CCL22: variants seen among roughly 807,000 people sequenced by gnomAD.
The protein encoded by CCL22 is C-C motif chemokine ligand 22, also known as C-C motif chemokine 22.
A neutral mutation model predicts 7.6 loss-of-function variants in CCL22; 7 were observed. The observed-to-expected ratio is 0.92, with a 90% CI of 0.52 to 1.72. CCL22 has a LOEUF of 1.72. CCL22 is among the 40% of genes most tolerant of loss of function. The probability of loss-of-function intolerance (pLI) is 0.00; values close to 1 mark genes in which losing one functional copy is unlikely to be tolerated. For synonymous variants in CCL22, 55 were observed against 47.2 expected, an observed-to-expected ratio of 1.17 and a Z score of -0.68; for missense variants, 115 against 124.7, an observed-to-expected ratio of 0.92 and a Z score of 0.37.
In CCL22 at chr16:57,362,911, G is replaced by A. The variant is rs115173511; in HGVS notation, c.198-593G>A. 7.5e-3 allele frequency among the ~76,000 whole-genome samples: 1,134 copies of A among 151,692 alleles called. 22 individuals are homozygous for A. Among genetic ancestry groups the A allele is most frequent in the African/African-American group, 0.026 (1,065 of 41,424 alleles). The stretch of plus-strand genomic sequence containing the variant: ...AAAACAAAAACAAAACCCAACTCTT[G>A]GGGATTCTATTTCATGGCCTGATCT... On this transcript the variant is annotated intron_variant, in intron 2 of 2. Coordinates refer to ENST00000219235, the MANE Select transcript of CCL22 (RefSeq NM_002990.5).
chr16:57,362,418 C>G lies in CCL22; in HGVS notation c.198-1086C>G, dbSNP rs528615751. On this transcript the variant is annotated intron_variant, in intron 2 of 2. Coordinates refer to ENST00000219235, the MANE Select transcript of CCL22 (RefSeq NM_002990.5). ...GGAGGATCACTTGAGGCCAGGAGTT[C>G]AAGACAAGCCTCAATAGAGTGAGAC... 1.1e-4 allele frequency among the ~76,000 whole-genome samples: 17 copies of G among 152,130 alleles called. No homozygotes were observed. The South Asian group carries it at 3.3e-3, about 30-fold the overall frequency.
chr16:57,363,748 T>A lies in CCL22; in HGVS notation c.*160T>A, dbSNP rs1197526611. On this transcript the variant is annotated 3_prime_UTR_variant, in exon 3 of 3. Transcript: ENST00000219235. The stretch of plus-strand genomic sequence containing the variant: ...GTCACCCTTGGTCACCTCCGTGCTG[T>A]CACTGCCATCTCCCCCCTGACCCCT... 1.6e-6 allele frequency: 1 copy of A among 613,474 alleles called. No individual in the cohort carries two copies. The highest frequency in any genetic ancestry group is 1.8e-5 in the African/African-American group (1 of 54,414). 38.0% of individuals were successfully genotyped at this position (613,474 alleles called of 1,614,324 possible).
intron 2 of CCL22, among the ~76,000 whole-genome samples, chr16:57,361,901 CTT>C (rs1488976468): frequency 6.6e-6 from 1 of 152,310 alleles, no homozygotes; most frequent in East Asian, 1.9e-4. Context: ...GTTCTTGTCT[CTT>C]TAACTCTGAG....
chr16:57,359,640 A>G (rs1902026753), intron 1 of CCL22, among the ~76,000 whole-genome samples: 1 of 146,680 alleles, frequency 6.8e-6, no homozygotes, highest in African/African-American at 2.5e-5. Context: ...ATTTCATTTT[A>G]TTTATTTATT....
In CCL22 at chr16:57,358,895, G is replaced by A. The variant is rs752248057; in HGVS notation, c.73+6G>A. The A allele has an allele frequency of 1.2e-6, 2 of 1,612,174 alleles. No individual in the cohort carries two copies. The highest frequency in any genetic ancestry group is 8.5e-7 in the Non-Finnish European group (1 of 1,178,980). Reference sequence around the variant, plus strand: ...GCTTCAAGCAACTGAGGCAGGTGAGGCTGGGGAGCAGGAAGACCCCCTACA... The same window carrying A: ...GCTTCAAGCAACTGAGGCAGGTGAGACTGGGGAGCAGGAAGACCCCCTACA... On this transcript the variant is annotated splice_donor_region_variant and intron_variant, in intron 1 of 2. Transcript: ENST00000219235.
chr16:57,363,553 TG>T lies in CCL22; in HGVS notation c.250del (p.Val84Ter). 6.2e-7 allele frequency: 1 copy of T among 1,613,750 alleles called. No homozygotes were observed. Among genetic ancestry groups the T allele is most frequent in the Non-Finnish European group, 8.5e-7 (1 of 1,179,738 alleles). On this transcript the variant is annotated frameshift_variant, in exon 3 of 3. Coordinates refer to ENST00000219235, the MANE Select transcript of CCL22 (RefSeq NM_002990.5). LOFTEE classifies it high-confidence loss of function. Reference protein sequence around the residue: ...KEICADPRVPWVKMILNKLSQ With the variant: ...KEICADPRVPXVKMILNKLSQ The stretch of plus-strand genomic sequence containing the variant: ...GATCTGTGCCGATCCCAGAGTGCCC[TG>T]GGTGAAGATGATTCTCAATAAGCTG...
At chr16:57,358,661 T>G (rs1410572840), upstream of CCL22, 1 of 647,686 alleles carries the variant, frequency 1.5e-6, no homozygotes, top group Non-Finnish European at 2.8e-6. Context: ...AAGTGGGAGG[T>G]AGTTCTTCTT....
chr16:57,363,203 C>A (rs1902067920), intron 2 of CCL22, among the ~76,000 whole-genome samples: 1 of 152,114 alleles, frequency 6.6e-6, no homozygotes, highest in South Asian at 2.1e-4. Context: ...CCATGTTGCC[C>A]AGGATGGCCT....
Position 57,358,955 on chromosome 16 carries a change from G to A in CCL22, c.73+66G>A. On this transcript the variant is annotated intron_variant, in intron 1 of 2. Coordinates refer to ENST00000219235, the MANE Select transcript of CCL22 (RefSeq NM_002990.5). ...GCAGACGGTGGGGTGTCTTCCTCAT[G>A]TCTTGGACAAGCACTGGACCAAGAG... 4 of 1,253,752 alleles carry A rather than the reference G, an allele frequency of 3.2e-6. No individual in the cohort carries two copies. The South Asian group carries it at 4.8e-5, about 15-fold the overall frequency. The allele number at this position is 1,253,752 out of a possible 1,614,324, so 77.7% of individuals were successfully genotyped here.
intron 1 of CCL22, 72 bp from the exon 2 acceptor site, chr16:57,360,365 G>A (rs769394927): frequency 1.3e-6 from 2 of 1,588,468 alleles, no homozygotes; most frequent in Non-Finnish European, 1.7e-6. Flanking sequence ...GAGAGGCCGA[G>A]ATCAGGGGCT....
At chr16:57,357,993 C>T (rs1360299580), upstream of CCL22, among the ~76,000 whole-genome samples, 1 of 152,166 alleles carries the variant, frequency 6.6e-6, no homozygotes, top group African/African-American at 2.4e-5. Flanking sequence ...CTCTGGACCA[C>T]TCACGCTGGC....
chr16:57,366,147 C>A lies in CCL22; in HGVS notation c.*2559C>A, dbSNP rs1404618163. On this transcript the variant is annotated 3_prime_UTR_variant, in exon 3 of 3. Transcript: ENST00000219235. ...GATCTCCTTCTCCCTCCTGTCCTGT[C>A]CTTGCCCCTCAGGACTGCTGGAAAA... 6.6e-6 allele frequency: 1 copy of A among 152,502 alleles called. No individual in the cohort carries two copies. The highest frequency in any genetic ancestry group is 2.4e-5 in the African/African-American group (1 of 41,468). 9.4% of individuals were successfully genotyped at this position (152,502 alleles called of 1,614,324 possible). A position where few individuals can be genotyped will look rare whatever the true frequency, so the allele number is the denominator to read the frequency against.
At chr16:57,361,687 G>A (rs1263309143) in intron 2 of CCL22, among the ~76,000 whole-genome samples, 2 of 152,134 alleles carry the variant, frequency 1.3e-5, no homozygotes, top group Non-Finnish European at 2.9e-5. Flanking sequence ...CCCTCTCTGC[G>A]GTAGCCTCTC....
upstream of CCL22, among the ~76,000 whole-genome samples, chr16:57,358,620 C>T (rs1394955939): frequency 6.6e-6 from 1 of 152,182 alleles, no homozygotes; most frequent in Non-Finnish European, 1.5e-5. Context: ...TGAGTGGTTC[C>T]CCGCCAAAGA....
chr16:57,360,517 C>T lies in CCL22; in HGVS notation c.154C>T (p.His52Tyr). The T allele has an allele frequency of 1.2e-6, 2 of 1,614,228 alleles. No homozygotes were observed. Among genetic ancestry groups the T allele is most frequent in the African/African-American group, 1.3e-5 (1 of 75,060 alleles). Residue 52 changes from histidine to tyrosine, a missense_variant, in exon 2 of 3, where the codon CAC becomes TAC. By Grantham distance (83) the His-to-Tyr change is moderately conservative. Transcript: ENST00000219235. ...RYRLPLRVVKHFYWTSDSCPR... is the reference protein window; with the variant it reads ...RYRLPLRVVKYFYWTSDSCPR... ...CCGTCTGCCCCTGCGCGTGGTGAAA[C>T]ACTTCTACTGGACCTCAGACTCCTG...
At chr16:57,358,401 G>A (rs1902011581), upstream of CCL22, among the ~76,000 whole-genome samples, 2 of 152,314 alleles carry the variant, frequency 1.3e-5, no homozygotes, top group East Asian at 1.9e-4. Flanking sequence ...GTTGGTCCAC[G>A]TTCTCACTTG....
chr16:57,362,069 A>G (rs1198001509), intron 2 of CCL22, among the ~76,000 whole-genome samples: 2 of 152,218 alleles, frequency 1.3e-5, no homozygotes, highest in African/African-American at 4.8e-5. Context: ...AATCCTATGC[A>G]GTAGGTGCCA....
intron 2 of CCL22, among the ~76,000 whole-genome samples, chr16:57,363,220 C>T (rs1902068147): frequency 6.6e-6 from 1 of 152,066 alleles, no homozygotes; most frequent in Non-Finnish European, 1.5e-5. Flanking sequence ...GCCTTAAACC[C>T]CTAGGCTCAA....
At chr16:57,363,478 T>C in intron 2 of CCL22, 26 bp from the exon 3 acceptor site, 1 of 1,539,612 alleles carries the variant, frequency 6.5e-7, no homozygotes, top group South Asian at 1.1e-5. Flanking sequence ...TGTTGCTGCA[T>C]TGTCTCTGGG....
Sources: allele counts gnomAD v4.1 joint callset (sites outside exome capture counted in the v4.1 genomes callset), GRCh38; gene constraint gnomAD v4.1.1; transcripts MANE v1.5; gene names NCBI Gene and HGNC (gene_info 2026-07-23, HGNC 2026-07-21).